NEK11: variants seen among roughly 807,000 people sequenced by gnomAD.
NEK11 encodes NIMA related kinase 11.
A neutral mutation model predicts 80.7 loss-of-function variants in NEK11; 72 were observed. That is an observed-to-expected ratio of 0.89 (90% CI 0.74 to 1.08). The LOEUF is 1.08. NEK11 is among the 50% of genes least tolerant of loss of function. The probability of loss-of-function intolerance (pLI) is 0.00; values close to 1 mark genes in which losing one functional copy is unlikely to be tolerated. For synonymous variants in NEK11, 251 were observed against 260.7 expected (o/e 0.96, Z 0.36); for missense variants, 764 against 763.6 (o/e 1.00, Z -0.01).
chr3:131,109,618 C>A, intron 4 of NEK11, 185 bp from the exon 5 acceptor site: 1 of 561,216 alleles, frequency 1.8e-6, no homozygotes, highest in Non-Finnish European at 3.1e-6. Flanking sequence ...ATGTTGAGGC[C>A]GAGCTGAGAA....
intron 12 of NEK11, 46 bp from the exon 13 acceptor site, chr3:131,168,783 AG>A (rs2092465453): frequency 7.0e-7 from 1 of 1,423,176 alleles, no homozygotes; most frequent in African/African-American, 1.4e-5. Flanking sequence ...AGATGAAGAA[AG>A]ACTTGGAAAA....
intron 5 of NEK11, among the ~76,000 whole-genome samples, chr3:131,113,640 C>T (rs1351890434): frequency 6.6e-6 from 1 of 152,110 alleles, no homozygotes; most frequent in Non-Finnish European, 1.5e-5. Flanking sequence ...AGGCCGGGCA[C>T]AGTGGCTCAC....
At chr3:131,324,262 CAAG>C (rs139395131) in intron 17 of NEK11, among the ~76,000 whole-genome samples, 5,734 of 152,196 alleles carry the variant, frequency 0.038, 162 homozygotes, top group Middle Eastern at 0.088. Flanking sequence ...CAGGCCTAGT[CAAG>C]AAGAGGCCTC....
chr3:131,313,463 G>A (rs2096802227), intron 17 of NEK11, among the ~76,000 whole-genome samples: 1 of 152,066 alleles, frequency 6.6e-6, no homozygotes, highest in Non-Finnish European at 1.5e-5. Flanking sequence ...TCTTTTCTCT[G>A]CAACCTCACC....
intron 15 of NEK11, among the ~76,000 whole-genome samples, chr3:131,234,947 TCA>T (rs1369295772): frequency 6.6e-6 from 1 of 151,874 alleles, no homozygotes; most frequent in African/African-American, 2.4e-5. Context: ...GGGTTTAGGA[TCA>T]CACCTACATT....
intron 3 of NEK11, among the ~76,000 whole-genome samples, chr3:131,037,824 T>G (rs1270670277): frequency 6.6e-6 from 1 of 152,236 alleles, no homozygotes; most frequent in Non-Finnish European, 1.5e-5. Flanking sequence ...ATAGATTTAA[T>G]GAGTCCAACT....
chr3:131,319,853 T>C (rs2096880321), intron 17 of NEK11, among the ~76,000 whole-genome samples: 1 of 148,338 alleles, frequency 6.7e-6, no homozygotes, highest in African/African-American at 2.6e-5. Context: ...TCTGAAAACA[T>C]TTTTTTTTAA....
At chr3:131,223,762 C>T (rs775038236) in intron 14 of NEK11, among the ~76,000 whole-genome samples, 4 of 152,114 alleles carry the variant, frequency 2.6e-5, no homozygotes, top group South Asian at 2.1e-4. Context: ...GAAACCTTGA[C>T]GGAATCAGTG....
intron 3 of NEK11, among the ~76,000 whole-genome samples, chr3:131,066,431 A>G (rs1305610685): frequency 1.3e-5 from 2 of 152,068 alleles, no homozygotes; most frequent in Admixed American, 1.3e-4. Flanking sequence ...CCTTGTGCAG[A>G]GATGTATTTT....
In NEK11 at chr3:131,085,969, T is replaced by G. The variant is rs146460313; in HGVS notation, c.336+5381T>G. Among the ~76,000 whole-genome samples, 7 of 152,234 alleles carry G rather than the reference T, an allele frequency of 4.6e-5. No homozygotes were observed. In the East Asian group the frequency reaches 1.4e-3, roughly 29 times the overall value. ...CTTTTGATGGGTAACTGGCAAGCTA[T>G]TTTGTAGAATGTCTCTCAGTTTGGG... On this transcript the variant is annotated intron_variant, in intron 4 of 17. Coordinates refer to ENST00000383366, the MANE Select transcript of NEK11 (RefSeq NM_024800.5).
intron 3 of NEK11, among the ~76,000 whole-genome samples, chr3:131,057,650 A>G (rs577342012): frequency 3.9e-5 from 6 of 151,990 alleles, no homozygotes; most frequent in African/African-American, 1.4e-4. Flanking sequence ...GATGGTGAGC[A>G]TTTTTTCATG....
intron 16 of NEK11, among the ~76,000 whole-genome samples, chr3:131,270,479 C>G (rs999275355): frequency 2.6e-5 from 4 of 152,214 alleles, no homozygotes; most frequent in African/African-American, 7.2e-5. Flanking sequence ...CTAAAACACA[C>G]TCTGGGATTC....
chr3:131,300,198 A>C (rs2096645865), intron 17 of NEK11, among the ~76,000 whole-genome samples: 1 of 152,124 alleles, frequency 6.6e-6, no homozygotes, highest in Non-Finnish European at 1.5e-5. Context: ...GTGTCTGTTC[A>C]TATCCTTTGT....
chr3:131,123,515 T>C (rs1356493178), intron 5 of NEK11, among the ~76,000 whole-genome samples: 1 of 152,212 alleles, frequency 6.6e-6, no homozygotes, highest in Non-Finnish European at 1.5e-5. Flanking sequence ...ACCTGGTTTG[T>C]TGCATAGAAT....
intron 12 of NEK11, among the ~76,000 whole-genome samples, chr3:131,167,972 G>T (rs906279015): frequency 6.6e-6 from 1 of 152,218 alleles, no homozygotes; most frequent in African/African-American, 2.4e-5. Context: ...ATATATTGAT[G>T]GGGGCAGAAA....
chr3:131,223,239 G>GT (rs887446015), intron 14 of NEK11, among the ~76,000 whole-genome samples: 2 of 151,932 alleles, frequency 1.3e-5, no homozygotes, highest in Admixed American at 6.6e-5. Flanking sequence ...ACGGACTTAC[G>GT]TTTTTTTTGA....
At chr3:131,260,743 T>C (rs1226281960) in intron 16 of NEK11, among the ~76,000 whole-genome samples, 3 of 152,142 alleles carry the variant, frequency 2.0e-5, no homozygotes, top group African/African-American at 7.2e-5. Flanking sequence ...TTTGCAATAA[T>C]TTGGCAAAGA....
rs533272110 is a variant in NEK11, at chr3:131,226,862, T to C, written c.1400-1666T>C. ...GCATGTACATATGTGTATAGGTATGTTATATATATATGTGTACATACAGAC... is the reference window on the plus strand; with the variant it reads ...GCATGTACATATGTGTATAGGTATGCTATATATATATGTGTACATACAGAC... On this transcript the variant is annotated intron_variant, in intron 14 of 17. Transcript: ENST00000383366. Among the ~76,000 whole-genome samples the C allele has an allele frequency of 7.2e-5, 11 of 152,146 alleles. No homozygotes were observed. In the East Asian group the frequency reaches 1.9e-3, roughly 27 times the overall value.
At chr3:131,189,586 A>G (rs551714853) in intron 14 of NEK11, among the ~76,000 whole-genome samples, 6 of 152,328 alleles carry the variant, frequency 3.9e-5, no homozygotes, top group Admixed American at 3.3e-4. Flanking sequence ...ACGTTTCAAC[A>G]TATCAATTTA....
Sources: allele counts gnomAD v4.1 joint callset (sites outside exome capture counted in the v4.1 genomes callset), GRCh38; gene constraint gnomAD v4.1.1; transcripts MANE v1.5; gene names NCBI Gene and HGNC (gene_info 2026-07-23, HGNC 2026-07-21).